Variants in POLA1 observed in about 807,000 individuals in gnomAD.
POLA1 encodes DNA polymerase alpha catalytic subunit.
A neutral mutation model predicts 124.0 loss-of-function variants in POLA1; 15 were observed. That is an observed-to-expected ratio of 0.12 (90% CI 0.08 to 0.19). The LOEUF (loss-of-function observed/expected upper bound fraction) is 0.19, where lower values mean the gene tolerates loss of function less well. Ranked by LOEUF, POLA1 falls within the 10% of genes least tolerant of loss-of-function variation. The probability of loss-of-function intolerance (pLI) is 1.00; values close to 1 mark genes in which losing one functional copy is unlikely to be tolerated. For missense variants in POLA1, 886 were observed against 1,103.4 expected (o/e 0.80, Z 2.79); for synonymous variants, 408 against 389.4 (o/e 1.05, Z -0.56).
chrX:24,956,230 T>C (rs948146667), intron 36 of POLA1, among the ~76,000 whole-genome samples: 2 of 109,953 alleles, frequency 1.8e-5, no homozygotes, highest in African/African-American at 3.3e-5. Context: ...GAGTTGAAGA[T>C]TGTAGTGAGT....
chrX:24,754,662 T>G (rs1932506909), intron 26 of POLA1, among the ~76,000 whole-genome samples: 1 of 112,006 alleles, frequency 8.9e-6, no homozygotes, highest in Non-Finnish European at 1.9e-5. Flanking sequence ...CTTTTTCTTT[T>G]TCGGAGGTAA....
intron 26 of POLA1, among the ~76,000 whole-genome samples, chrX:24,762,220 C>T (rs764667781): frequency 2.7e-5 from 3 of 111,689 alleles, no homozygotes; most frequent in South Asian, 3.8e-4. Context: ...TGCAAGGCTC[C>T]GAGTACCTAG....
At chrX:24,771,752 A>G (rs2045040397) in intron 26 of POLA1, among the ~76,000 whole-genome samples, 1 of 112,007 alleles carries the variant, frequency 8.9e-6, no homozygotes, top group Admixed American at 9.5e-5. Context: ...TAGTCTTAAT[A>G]TTAGGCTTAA....
intron 21 of POLA1, 127 bp from the exon 22 acceptor site, chrX:24,741,872 TTAA>T: frequency 2.1e-6 from 1 of 476,559 alleles, no homozygotes; most frequent in Non-Finnish European, 3.4e-6. Context: ...TTTTTTTTTT[TTAA>T]AAAAAAAGCA....
intron 27 of POLA1, 114 bp from the exon 28 acceptor site, chrX:24,810,594 C>T (rs1201092905): frequency 2.7e-6 from 1 of 371,665 alleles, no homozygotes; most frequent in Non-Finnish European, 4.7e-6. Flanking sequence ...TTAACATAAA[C>T]TTTTGAAAAG....
At chrX:24,713,105 C>A (rs1175467820) in intron 4 of POLA1, among the ~76,000 whole-genome samples, 6 of 110,917 alleles carry the variant, frequency 5.4e-5, no homozygotes, top group African/African-American at 1.6e-4. Flanking sequence ...GCTGGGATTA[C>A]AGGCATGCAC....
chrX:24,708,392 A>G (rs866428354), intron 4 of POLA1, among the ~76,000 whole-genome samples: 1 of 50,318 alleles, frequency 2.0e-5, no homozygotes, highest in Non-Finnish European at 4.2e-5. Context: ...TTTTTTTTTT[A>G]ATTTATTTTT....
At chrX:24,896,335 A>C (rs946395313) in intron 35 of POLA1, among the ~76,000 whole-genome samples, 35 of 112,140 alleles carry the variant, frequency 3.1e-4, no homozygotes, top group African/African-American at 1.1e-3. Flanking sequence ...TTTGGACTAC[A>C]GTAACCTGTC....
intron 36 of POLA1, among the ~76,000 whole-genome samples, chrX:24,994,290 T>C (rs1017048305): frequency 2.7e-4 from 31 of 113,159 alleles, no homozygotes; most frequent in Admixed American, 9.3e-5. Flanking sequence ...GGACAACTTA[T>C]GTAATTCAGA....
chrX:24,973,660 G>C (rs1214458454), intron 36 of POLA1, among the ~76,000 whole-genome samples: 1 of 111,984 alleles, frequency 8.9e-6, no homozygotes, highest in Non-Finnish European at 1.9e-5. Flanking sequence ...ATTCTCCAAA[G>C]GCAGGCTCTC....
At chrX:24,914,188 A>T (rs192785283) in intron 35 of POLA1, among the ~76,000 whole-genome samples, 32 of 111,096 alleles carry the variant, frequency 2.9e-4, no homozygotes, top group Admixed American at 3.8e-4. Flanking sequence ...AAAAAATTTT[A>T]AAAAAATCGT....
At chrX:24,694,171 T>G (rs1927808537) in intron 1 of POLA1, among the ~76,000 whole-genome samples, 167 bp downstream of exon 1, 1 of 112,940 alleles carries the variant, frequency 8.9e-6, no homozygotes, top group Non-Finnish European at 1.9e-5. Flanking sequence ...AGGCGCGGTT[T>G]GCTCTTGGAG....
intron 34 of POLA1, among the ~76,000 whole-genome samples, chrX:24,858,586 A>G (rs867836098): frequency 1.8e-5 from 2 of 112,122 alleles, no homozygotes; most frequent in South Asian, 3.7e-4. Context: ...TGCATTTCTC[A>G]ATATTCCTTG....
At chrX:24,934,092 G>A (rs1256735837) in intron 36 of POLA1, among the ~76,000 whole-genome samples, 1 of 111,909 alleles carries the variant, frequency 8.9e-6, no homozygotes, top group Non-Finnish European at 1.9e-5. Flanking sequence ...ATGGCCGCAT[G>A]AAATGGTCCC....
chrX:24,817,719 G>C (rs992093828), intron 30 of POLA1, among the ~76,000 whole-genome samples: 1 of 110,320 alleles, frequency 9.1e-6, no homozygotes, highest in African/African-American at 3.3e-5. Flanking sequence ...AGTAAATTCT[G>C]ATGAAAGGGC....
intron 34 of POLA1, among the ~76,000 whole-genome samples, chrX:24,867,202 A>G (rs2046806427): frequency 9.0e-6 from 1 of 111,640 alleles, no homozygotes; most frequent in Admixed American, 9.5e-5. Context: ...TAGGTCAGCC[A>G]ATAAATTGAC....
At chrX:24,793,581 CTTTTT>C (rs200977117) in intron 26 of POLA1, among the ~76,000 whole-genome samples, 1 of 110,118 alleles carries the variant, frequency 9.1e-6, no homozygotes, top group African/African-American at 3.3e-5. Context: ...AAGAGAGTCT[CTTTTT>C]TTTGTTTTGT....
rs368223653 is a variant in POLA1 at position 24,821,892 on chromosome X, A to G, written c.3561+309A>G. 7.1e-5 allele frequency among the ~76,000 whole-genome samples: 8 copies of G among 112,178 alleles called. No homozygotes were observed. The East Asian group carries it at 2.2e-3, about 31-fold the overall frequency. ...TTCCTTTTGCAGCAGTTCCCATTATAAATATCAGTGGAATAATAAAAGAAT... is the reference window on the plus strand; with the variant it reads ...TTCCTTTTGCAGCAGTTCCCATTATGAATATCAGTGGAATAATAAAAGAAT... On this transcript the variant is annotated intron_variant, in intron 31 of 36. Coordinates refer to ENST00000379068, the MANE Select transcript of POLA1 (RefSeq NM_001330360.2).
intron 26 of POLA1, among the ~76,000 whole-genome samples, chrX:24,760,998 AC>A (rs1190601552): frequency 8.9e-6 from 1 of 112,104 alleles, no homozygotes; most frequent in Non-Finnish European, 1.9e-5. Flanking sequence ...ATGAGTCTCA[AC>A]ATTAAAATTT....
Sources: gnomAD v4.1 joint callset for allele counts (sites outside exome capture counted in the v4.1 genomes callset) on GRCh38, gnomAD v4.1.1 for gene constraint, MANE v1.5 for transcripts, NCBI Gene and HGNC (gene_info 2026-07-23, HGNC 2026-07-21) for gene names.